NLGN1: variants seen among roughly 807,000 people sequenced by gnomAD.
NLGN1 encodes neuroligin-1.
In NLGN1, 12 loss-of-function variants were observed where a neutral mutation model predicts 65.5. That is an observed-to-expected ratio of 0.18 (90% CI 0.12 to 0.30). The LOEUF (loss-of-function observed/expected upper bound fraction) is 0.30, where lower values mean the gene tolerates loss of function less well. NLGN1 is among the 10% of genes least tolerant of loss of function. The pLI, the probability that NLGN1 is intolerant of heterozygous loss-of-function variation, is 1.00. For missense variants in NLGN1, 750 were observed against 1,007.1 expected (o/e 0.74, Z 3.46); for synonymous variants, 350 against 359.5 (o/e 0.97, Z 0.30).
intron 2 of NLGN1, among the ~76,000 whole-genome samples, chr3:173,439,342 T>C (rs947416038): frequency 2.0e-5 from 3 of 152,112 alleles, no homozygotes; most frequent in Non-Finnish European, 4.4e-5. Context: ...AATGGATGAA[T>C]GGGAGCCAAA....
intron 2 of NLGN1, among the ~76,000 whole-genome samples, chr3:173,546,522 TGAA>T (rs1739869120): frequency 6.6e-6 from 1 of 152,140 alleles, no homozygotes; most frequent in African/African-American, 2.4e-5. Flanking sequence ...ATTGGTTAAA[TGAA>T]GAAAATCTGA....
intron 2 of NLGN1, among the ~76,000 whole-genome samples, chr3:173,581,122 A>G (rs1470094452): frequency 6.6e-6 from 1 of 152,042 alleles, no homozygotes; most frequent in East Asian, 1.9e-4. Context: ...CAGGAAATCT[A>G]TTCAGAATAG....
chr3:174,047,888 A>T (rs1383283589), intron 4 of NLGN1, among the ~76,000 whole-genome samples: 1 of 152,044 alleles, frequency 6.6e-6, no homozygotes, highest in Non-Finnish European at 1.5e-5. Context: ...TTTTGCTAGG[A>T]AAAAGTAATT....
At chr3:173,932,390 T>A (rs1191129172) in intron 4 of NLGN1, among the ~76,000 whole-genome samples, 1 of 152,128 alleles carries the variant, frequency 6.6e-6, no homozygotes, top group Non-Finnish European at 1.5e-5. Context: ...TAGGGAAATG[T>A]TCTGATATGA....
At chr3:173,402,537 T>C (rs1429182736) in intron 1 of NLGN1, among the ~76,000 whole-genome samples, 2 of 152,126 alleles carry the variant, frequency 1.3e-5, no homozygotes, top group Non-Finnish European at 2.9e-5. Flanking sequence ...TCTGGAGGTG[T>C]GCTGATCCAG....
chr3:173,639,029 G>A (rs1757016725), intron 3 of NLGN1, among the ~76,000 whole-genome samples: 2 of 152,224 alleles, frequency 1.3e-5, no homozygotes, highest in Non-Finnish European at 2.9e-5. Context: ...CAACAGGAAT[G>A]CTGAAGGACT....
chr3:173,831,436 C>G (rs970744676), intron 4 of NLGN1, among the ~76,000 whole-genome samples: 2 of 152,096 alleles, frequency 1.3e-5, no homozygotes, highest in Admixed American at 1.3e-4. Flanking sequence ...AAATGCCTGC[C>G]CATATACACA....
At chr3:173,800,782 TA>T (rs951924317) in intron 3 of NLGN1, among the ~76,000 whole-genome samples, 1 of 151,858 alleles carries the variant, frequency 6.6e-6, no homozygotes, top group African/African-American at 2.4e-5. Context: ...ACATTTGTTT[TA>T]AAAAAACACA....
chr3:174,246,243 G>A (rs1476920418), intron 4 of NLGN1, among the ~76,000 whole-genome samples: 1 of 152,162 alleles, frequency 6.6e-6, no homozygotes, highest in Non-Finnish European at 1.5e-5. Flanking sequence ...TTTTGAGTCA[G>A]TCAAATTCAA....
intron 2 of NLGN1, among the ~76,000 whole-genome samples, chr3:173,528,194 T>A (rs1735967600): frequency 6.6e-6 from 1 of 152,212 alleles, no homozygotes; most frequent in Non-Finnish European, 1.5e-5. Flanking sequence ...GAAATGACTT[T>A]ATTTCCCTTT....
intron 2 of NLGN1, among the ~76,000 whole-genome samples, chr3:173,522,579 C>T (rs374325740): frequency 4.0e-5 from 6 of 149,228 alleles, no homozygotes; most frequent in South Asian, 2.2e-4. Flanking sequence ...TACAGGTGCC[C>T]GCCACTACGC....
intron 2 of NLGN1, among the ~76,000 whole-genome samples, chr3:173,536,463 A>C (rs569798735): frequency 1.3e-5 from 2 of 152,322 alleles, no homozygotes; most frequent in Admixed American, 1.3e-4. Flanking sequence ...GTAAATAGTA[A>C]GATATTAAGG....
At position 173,453,551 on chromosome 3, in the gene NLGN1, G is replaced by A. The variant is rs535191350; in HGVS notation, c.-321+18473G>A. On this transcript the variant is annotated intron_variant, in intron 2 of 6. Transcript: ENST00000457714. Reference sequence around the variant, plus strand: ...TCTTAAACTATGCCACTGCTTTTATGTATATTCTATATCATTTGTTGTCAT... The same window carrying A: ...TCTTAAACTATGCCACTGCTTTTATATATATTCTATATCATTTGTTGTCAT... 7.6e-4 allele frequency among the ~76,000 whole-genome samples: 116 copies of A among 152,176 alleles called. 3 individuals are homozygous for A. In the South Asian group the frequency reaches 0.023, roughly 31 times the overall value.
At chr3:174,031,405 C>A (rs890900419) in intron 4 of NLGN1, among the ~76,000 whole-genome samples, 3 of 152,104 alleles carry the variant, frequency 2.0e-5, no homozygotes, top group African/African-American at 7.2e-5. Context: ...CCTTTAGTTT[C>A]TGTTTGTAAG....
intron 2 of NLGN1, among the ~76,000 whole-genome samples, chr3:173,440,062 G>A (rs1278249336): frequency 1.3e-5 from 2 of 152,080 alleles, no homozygotes; most frequent in African/African-American, 2.4e-5. Flanking sequence ...TTTATGTGAT[G>A]TACTAAATCC....
intron 1 of NLGN1, among the ~76,000 whole-genome samples, chr3:173,412,029 C>A (rs7649709): frequency 0.27 from 40,330 of 151,946 alleles, 5,824 homozygotes; most frequent in East Asian, 0.61. Flanking sequence ...CAACCACTTT[C>A]TCTCTCTCAC....
chr3:173,404,225 A>G (rs1158218080), intron 1 of NLGN1, among the ~76,000 whole-genome samples: 1 of 152,174 alleles, frequency 6.6e-6, no homozygotes, highest in African/African-American at 2.4e-5. Flanking sequence ...TTCAGTATAA[A>G]GGATCCAAAA....
chr3:174,085,471 C>A (rs1743051441), intron 4 of NLGN1, among the ~76,000 whole-genome samples: 1 of 151,958 alleles, frequency 6.6e-6, no homozygotes. Flanking sequence ...TAGTCTTATT[C>A]ACATTTTCTC....
At chr3:173,772,254 A>C (rs1411221671) in intron 3 of NLGN1, among the ~76,000 whole-genome samples, 1 of 152,112 alleles carries the variant, frequency 6.6e-6, no homozygotes, top group Non-Finnish European at 1.5e-5. Context: ...TATTATAATG[A>C]AGTTAAAATC....
Sources: allele counts gnomAD v4.1 joint callset (sites outside exome capture counted in the v4.1 genomes callset), GRCh38; gene constraint gnomAD v4.1.1; transcripts MANE v1.5; gene names NCBI Gene and HGNC (gene_info 2026-07-23, HGNC 2026-07-21).